Variants in METTL25 observed in about 807,000 individuals in gnomAD.
The protein encoded by METTL25 is probable methyltransferase-like protein 25.
Under a neutral mutation model 71.6 loss-of-function variants are expected in METTL25, and 64 were observed. The ratio of observed to expected loss-of-function variants is 0.89; its 90% CI spans 0.73 to 1.10. The LOEUF (loss-of-function observed/expected upper bound fraction) is 1.10, where lower values mean the gene tolerates loss of function less well. Ranked by LOEUF, METTL25 falls within the 50% of genes least tolerant of loss-of-function variation. The probability of loss-of-function intolerance (pLI) is 0.00; values close to 1 mark genes in which losing one functional copy is unlikely to be tolerated. For synonymous variants in METTL25, 287 were observed against 250.3 expected (o/e 1.15, Z -1.38); for missense variants, 807 against 707.0 (o/e 1.14, Z -1.60).
chr12:82,430,881 C>T lies in METTL25; in HGVS notation c.1280-12C>T. 7.2e-7 allele frequency: 1 copy of T among 1,394,822 alleles called. No individual in the cohort carries two copies. Among genetic ancestry groups the T allele is most frequent in the Non-Finnish European group, 1.0e-6 (1 of 1,002,526 alleles). 86.4% of individuals were successfully genotyped at this position (1,394,822 alleles called of 1,614,324 possible). ...TTTATTTAAATAATCCGTATTTTTC[C>T]CCCATCTGCAGAACGTACTCAGGAA... On this transcript the variant is annotated splice_polypyrimidine_tract_variant and intron_variant, in intron 5 of 11. Coordinates refer to ENST00000248306, the MANE Select transcript of METTL25 (RefSeq NM_032230.3).
rs764430346 is a variant in METTL25 at position 82,358,654 on chromosome 12, C to T, written c.89C>T (p.Ala30Val). Residue 30 changes from alanine to valine, a missense_variant, in exon 1 of 12, where the codon GCC becomes GTC. By Grantham distance (64) the Ala-to-Val change is moderately conservative. Coordinates refer to ENST00000248306, the MANE Select transcript of METTL25 (RefSeq NM_032230.3). ...LQGLLQFLRD[A>V]LSISNAHTVD... ...GGACTGCTGCAGTTCCTGAGGGATG[C>T]CCTGTCCATTTCCAATGCACATACC... The T allele has an allele frequency of 9.9e-6, 16 of 1,614,114 alleles. 1 individual carries two copies. The highest frequency in any genetic ancestry group is 4.5e-5 in the East Asian group (2 of 44,874).
chr12:82,436,780 A>T (rs1889947079), intron 7 of METTL25, among the ~76,000 whole-genome samples: 1 of 151,596 alleles, frequency 6.6e-6, no homozygotes, highest in Non-Finnish European at 1.5e-5. Flanking sequence ...GTTCAAAGGC[A>T]TGAGAAAGAA....
At position 82,405,398 on chromosome 12, in the gene METTL25, G is replaced by A. The variant is rs1887007664; in HGVS notation, c.1279+2268G>A. On this transcript the variant is annotated intron_variant, in intron 5 of 11. Transcript: ENST00000248306. Reference sequence around the variant, plus strand: ...TCTTGCCTGTTTTTTTGTAAAATATGTAAATAGATTCAGATTTAGGTGACT... The same window carrying A: ...TCTTGCCTGTTTTTTTGTAAAATATATAAATAGATTCAGATTTAGGTGACT... Among the ~76,000 whole-genome samples the A allele has an allele frequency of 3.3e-5, 5 of 152,140 alleles. 1 individual carries two copies. In the South Asian group the frequency reaches 1.0e-3, roughly 32 times the overall value.
rs1893062463 is a variant in METTL25 at position 82,479,235 on chromosome 12, TA to T, written c.*215del. On this transcript the variant is annotated 3_prime_UTR_variant, in exon 12 of 12. Coordinates refer to ENST00000248306, the MANE Select transcript of METTL25 (RefSeq NM_032230.3). ...AAAAGAAGAACCTGTCATAATAATA[TA>T]AAACAGTTGACCTACATTCCTGAGT... is the stretch of plus-strand genomic sequence containing the variant. 1 of 447,178 alleles carries T rather than the reference TA, an allele frequency of 2.2e-6. No individual in the cohort carries two copies. The highest frequency in any genetic ancestry group is 3.9e-5 in the South Asian group (1 of 25,434). The allele number at this position is 447,178 out of a possible 1,614,324, so 27.7% of individuals were successfully genotyped here.
chr12:82,397,697 A>G (rs745979795), intron 3 of METTL25, among the ~76,000 whole-genome samples: 9 of 151,952 alleles, frequency 5.9e-5, no homozygotes, highest in Non-Finnish European at 1.0e-4. Context: ...TGAAAAACCT[A>G]TCTTCTTCAT....
chr12:82,380,101 G>C (rs1410526759), intron 1 of METTL25, among the ~76,000 whole-genome samples: 1 of 152,130 alleles, frequency 6.6e-6, no homozygotes, highest in Non-Finnish European at 1.5e-5. Context: ...TTTAAGGGTT[G>C]CCTATTTATG....
intron 5 of METTL25, 80 bp downstream of exon 5, chr12:82,403,210 G>A (rs878919383): frequency 2.4e-5 from 33 of 1,376,762 alleles, no homozygotes; most frequent in Admixed American, 6.8e-5. Flanking sequence ...ATTTCTCCCC[G>A]TTTTTTCGTC....
chr12:82,413,983 A>G (rs1297093473), intron 5 of METTL25, among the ~76,000 whole-genome samples: 22 of 151,288 alleles, frequency 1.5e-4, no homozygotes, highest in Non-Finnish European at 1.5e-5. Flanking sequence ...ATTTATAACA[A>G]ATGTATATAT....
intron 1 of METTL25, among the ~76,000 whole-genome samples, chr12:82,382,961 C>A (rs573050551): frequency 1.1e-4 from 16 of 152,242 alleles, no homozygotes; most frequent in Admixed American, 9.8e-4. Context: ...CCTCATGTCT[C>A]AGCCTTCCAA....
chr12:82,370,291 A>T (rs1421697365), intron 1 of METTL25, among the ~76,000 whole-genome samples: 1 of 152,172 alleles, frequency 6.6e-6, no homozygotes. Context: ...TCGATCCTAG[A>T]GGAAACAGAT....
intron 1 of METTL25, among the ~76,000 whole-genome samples, chr12:82,379,233 C>A (rs73350522): frequency 0.028 from 4,244 of 152,166 alleles, 214 homozygotes; most frequent in African/African-American, 0.097. Flanking sequence ...TCAGAAATGA[C>A]AACCTAAGTA....
intron 1 of METTL25, among the ~76,000 whole-genome samples, chr12:82,367,658 T>G (rs1249951624): frequency 6.6e-6 from 1 of 152,232 alleles, no homozygotes; most frequent in Non-Finnish European, 1.5e-5. Flanking sequence ...ATTTCATTCA[T>G]GTTGCCACTC....
intron 7 of METTL25, among the ~76,000 whole-genome samples, chr12:82,435,979 A>G (rs1003354122): frequency 6.6e-6 from 1 of 151,504 alleles, no homozygotes; most frequent in Non-Finnish European, 1.5e-5. Flanking sequence ...GTAAGGTAAC[A>G]AAGACTAAGA....
chr12:82,428,636 G>T (rs1889236313), intron 5 of METTL25, among the ~76,000 whole-genome samples: 1 of 151,814 alleles, frequency 6.6e-6, no homozygotes, highest in South Asian at 2.1e-4. Flanking sequence ...AACTGAAATT[G>T]TTTGTTAATG....
intron 5 of METTL25, among the ~76,000 whole-genome samples, chr12:82,425,750 G>A (rs998714348): frequency 8.5e-5 from 13 of 152,070 alleles, no homozygotes; most frequent in Admixed American, 3.9e-4. Flanking sequence ...GACTGAATAT[G>A]AACAGGAAGT....
At chr12:82,436,774 A>G (rs931551823) in intron 7 of METTL25, among the ~76,000 whole-genome samples, 8 of 151,714 alleles carry the variant, frequency 5.3e-5, no homozygotes, top group Non-Finnish European at 8.9e-5. Flanking sequence ...TAATTTGTTC[A>G]AAGGCATGAG....
At chr12:82,458,134 T>C (rs1210747192) in intron 9 of METTL25, among the ~76,000 whole-genome samples, 1 of 152,108 alleles carries the variant, frequency 6.6e-6, no homozygotes, top group Non-Finnish European at 1.5e-5. Flanking sequence ...AGCAAATGTT[T>C]ATTAATATAT....
intron 7 of METTL25, 138 bp downstream of exon 7, chr12:82,434,862 T>G: frequency 1.3e-6 from 1 of 760,546 alleles, no homozygotes; most frequent in Non-Finnish European, 2.2e-6. Context: ...TTGTGCATTT[T>G]CTGTAAGTTT....
At chr12:82,369,928 G>A (rs146340704) in intron 1 of METTL25, among the ~76,000 whole-genome samples, 13 of 152,164 alleles carry the variant, frequency 8.5e-5, no homozygotes, top group East Asian at 1.9e-4. Flanking sequence ...TGATTGGTGC[G>A]TTTACAATCC....
Sources: gnomAD v4.1 joint callset for allele counts (sites outside exome capture counted in the v4.1 genomes callset) on GRCh38, gnomAD v4.1.1 for gene constraint, MANE v1.5 for transcripts, NCBI Gene and HGNC (gene_info 2026-07-23, HGNC 2026-07-21) for gene names.